SIPA1L2: variants seen among roughly 807,000 people sequenced by gnomAD.
The protein encoded by SIPA1L2 is signal-induced proliferation-associated 1-like protein 2.
In SIPA1L2, 56 loss-of-function variants were observed where a neutral mutation model predicts 163.9. That is an observed-to-expected ratio of 0.34 (90% CI 0.28 to 0.43). SIPA1L2 has a LOEUF of 0.43. SIPA1L2 is among the 20% of genes least tolerant of loss of function. The pLI is 1.00. For missense variants in SIPA1L2, 1,974 were observed against 2,193.5 expected (o/e 0.90, Z 2.00); for synonymous variants, 877 against 865.7 (o/e 1.01, Z -0.23).
chr1:232,418,773 C>T (rs1225946751), intron 18 of SIPA1L2, among the ~76,000 whole-genome samples: 2 of 152,144 alleles, frequency 1.3e-5, no homozygotes, highest in Non-Finnish European at 2.9e-5. Context: ...AATATTGTCC[C>T]CCCTCCTCCA....
chr1:232,496,010 T>A (rs76132271), intron 3 of SIPA1L2, among the ~76,000 whole-genome samples: 2,145 of 152,304 alleles, frequency 0.014, 50 homozygotes, highest in African/African-American at 0.049. Context: ...GGTTAATTAT[T>A]AAGTAAATTT....
chr1:232,507,142 G>C (rs1435314015), intron 3 of SIPA1L2, among the ~76,000 whole-genome samples: 4 of 149,316 alleles, frequency 2.7e-5, no homozygotes, highest in Admixed American at 2.7e-4. Context: ...ATTCCATTTA[G>C]TTGTCATGTC....
rs966480663 is a variant in SIPA1L2 at position 232,470,309 on chromosome 1, C to T, written c.2243+1062G>A. 2.0e-5 allele frequency among the ~76,000 whole-genome samples: 3 copies of T among 152,296 alleles called. No individual in the cohort carries two copies. The East Asian group carries it at 5.8e-4, about 29-fold the overall frequency. On this transcript the variant is annotated intron_variant, in intron 8 of 22. Coordinates refer to ENST00000674635, the MANE Select transcript of SIPA1L2 (RefSeq NM_020808.5). ...GGGAAGTATAGAGATGACAGGTGTA[C>T]TGCATTAGAACACAGCACAGTAGAG... is the stretch of plus-strand genomic sequence containing the variant.
intron 1 of SIPA1L2, among the ~76,000 whole-genome samples, chr1:232,594,599 A>G (rs1661148414): frequency 6.6e-6 from 1 of 152,100 alleles, no homozygotes; most frequent in South Asian, 2.1e-4. Context: ...CCAGTGCTTA[A>G]GGGAGTCAAT....
chr1:232,553,906 T>C (rs1415579040), intron 2 of SIPA1L2, among the ~76,000 whole-genome samples: 1 of 152,116 alleles, frequency 6.6e-6, no homozygotes, highest in African/African-American at 2.4e-5. Flanking sequence ...ATCAACACAA[T>C]GAAAATTCTG....
intron 9 of SIPA1L2, chr1:232,462,387 T>TA (rs1056025617): frequency 1.2e-4 from 182 of 1,480,442 alleles, no homozygotes; most frequent in Non-Finnish European, 1.6e-4. Context: ...ACTACATAGA[T>TA]ACCTATTTAA....
intron 5 of SIPA1L2, among the ~76,000 whole-genome samples, chr1:232,487,322 A>G (rs1015810809): frequency 6.6e-6 from 1 of 152,220 alleles, no homozygotes; most frequent in Non-Finnish European, 1.5e-5. Context: ...TTGAGTGTGC[A>G]ATAAATCCCT....
intron 1 of SIPA1L2, among the ~76,000 whole-genome samples, chr1:232,588,396 G>A (rs1660783212): frequency 6.6e-6 from 1 of 151,992 alleles, no homozygotes; most frequent in African/African-American, 2.4e-5. Context: ...AATAACCACT[G>A]TGATCTTGAC....
intron 1 of SIPA1L2, among the ~76,000 whole-genome samples, chr1:232,575,045 A>G (rs1360288577): frequency 6.6e-6 from 1 of 152,202 alleles, no homozygotes; most frequent in Non-Finnish European, 1.5e-5. Context: ...TGCTTTCAAC[A>G]CATCATTTTT....
chr1:232,536,963 C>T (rs778241360), intron 2 of SIPA1L2, among the ~76,000 whole-genome samples: 3 of 152,180 alleles, frequency 2.0e-5, no homozygotes, highest in Non-Finnish European at 2.9e-5. Flanking sequence ...GGGCCAAGCA[C>T]GGTGGCTCAC....
intron 10 of SIPA1L2, among the ~76,000 whole-genome samples, chr1:232,449,375 G>A (rs760220373): frequency 2.8e-4 from 43 of 152,078 alleles, no homozygotes; most frequent in African/African-American, 7.7e-4. Context: ...AAAATTGGCC[G>A]GGCACGGTGG....
intron 3 of SIPA1L2, among the ~76,000 whole-genome samples, chr1:232,497,394 G>A (rs1438769551): frequency 2.0e-5 from 3 of 152,120 alleles, no homozygotes; most frequent in Non-Finnish European, 2.9e-5. Flanking sequence ...CAAATGGACC[G>A]GGGCCTTCTG....
chr1:232,453,834 T>G (rs993203601), intron 10 of SIPA1L2, among the ~76,000 whole-genome samples: 3 of 152,068 alleles, frequency 2.0e-5, no homozygotes, highest in Non-Finnish European at 4.4e-5. Flanking sequence ...AAAAGAATCT[T>G]TGGAAACAAA....
At position 232,488,658 on chromosome 1, in the gene SIPA1L2, G is replaced by C. The variant is rs149613137; in HGVS notation, c.1806+2216C>G. 2.0e-5 allele frequency among the ~76,000 whole-genome samples: 3 copies of C among 152,294 alleles called. No homozygotes were observed. The East Asian group carries it at 5.8e-4, about 29-fold the overall frequency. On this transcript the variant is annotated intron_variant, in intron 5 of 22. Transcript: ENST00000674635. ...TACTACTAGAGATACGAAATGCGTG[G>C]TTTTATCAAAGCAGAATCCCATTTT...
At chr1:232,621,164 A>C (rs1294653321) in intron 1 of SIPA1L2, among the ~76,000 whole-genome samples, 1 of 152,266 alleles carries the variant, frequency 6.6e-6, no homozygotes, top group African/African-American at 2.4e-5. Flanking sequence ...AACCTGATTC[A>C]ATCAGTAAAA....
chr1:232,536,824 G>A (rs1028648886), intron 2 of SIPA1L2, among the ~76,000 whole-genome samples: 1 of 152,136 alleles, frequency 6.6e-6, no homozygotes, highest in African/African-American at 2.4e-5. Flanking sequence ...GTGATAAAGA[G>A]TCAAAAACCA....
chr1:232,512,301 A>G (rs1427815215), intron 3 of SIPA1L2, among the ~76,000 whole-genome samples: 1 of 152,248 alleles, frequency 6.6e-6, no homozygotes, highest in Non-Finnish European at 1.5e-5. Context: ...CTATTGTGGA[A>G]GACAGTGTGG....
intron 1 of SIPA1L2, among the ~76,000 whole-genome samples, chr1:232,587,817 T>C (rs1197827407): frequency 6.6e-6 from 1 of 152,112 alleles, no homozygotes; most frequent in Non-Finnish European, 1.5e-5. Context: ...GTTTCCCCCA[T>C]ACTGTTCTTG....
At chr1:232,551,799 A>G (rs1658400513) in intron 2 of SIPA1L2, among the ~76,000 whole-genome samples, 1 of 152,238 alleles carries the variant, frequency 6.6e-6, no homozygotes, top group Non-Finnish European at 1.5e-5. Context: ...CAGGCCAAGG[A>G]ATTTTAACTT....
Sources: gnomAD v4.1 joint callset for allele counts (sites outside exome capture counted in the v4.1 genomes callset) on GRCh38, gnomAD v4.1.1 for gene constraint, MANE v1.5 for transcripts, NCBI Gene and HGNC (gene_info 2026-07-23, HGNC 2026-07-21) for gene names.